The following SIDT1 variants were observed in gnomAD, a reference collection of about 807,000 sequenced individuals.
SIDT1 encodes the protein SID1 transmembrane family, member 1.
SIDT1 carries 101 observed loss-of-function variants against 107.5 expected under a neutral mutation model. The observed-to-expected ratio is 0.94, with a 90% CI of 0.80 to 1.11. The LOEUF (loss-of-function observed/expected upper bound fraction) is 1.11. SIDT1 is among the 50% of genes least tolerant of loss of function. The probability of loss-of-function intolerance (pLI) is 0.00; values close to 1 mark genes in which losing one functional copy is unlikely to be tolerated. For synonymous variants in SIDT1, 395 were observed against 398.2 expected (o/e 0.99, Z 0.10); for missense variants, 1,076 against 1,058.2 (o/e 1.02, Z -0.23).
At chr3:113,611,357 T>G (rs1945727141) in intron 18 of SIDT1, among the ~76,000 whole-genome samples, 2 of 152,178 alleles carry the variant, frequency 1.3e-5, no homozygotes, top group African/African-American at 4.8e-5. Context: ...TTTTGTTTGT[T>G]TGTGAGACTC....
chr3:113,597,439 A>G (rs1429198624), intron 10 of SIDT1, among the ~76,000 whole-genome samples: 2 of 147,300 alleles, frequency 1.4e-5, no homozygotes, highest in Admixed American at 7.0e-5. Context: ...AGAGGTTGCA[A>G]TGAGCCGAGA....
chr3:113,557,147 T>C (rs73854514), intron 1 of SIDT1, among the ~76,000 whole-genome samples: 1,573 of 152,262 alleles, frequency 0.01, 26 homozygotes, highest in African/African-American at 0.036. Context: ...GTTCAGCACA[T>C]TTATGAGGCC....
In SIDT1 at chr3:113,601,596, A is replaced by T. The variant is rs768031187; in HGVS notation, c.1054A>T (p.Asn352Tyr). 3 of 1,613,734 alleles carry T rather than the reference A, an allele frequency of 1.9e-6. No homozygotes were observed. The highest frequency in any genetic ancestry group is 2.5e-6 in the Non-Finnish European group (3 of 1,179,670). ...TTCACTTTTTTTAACAGGCTCTGGA[A>T]ATATGGTGGCATCTCATCCCATTGC... Reference protein sequence around the residue: ...GSFGSNDGSGNMVASHPIAAS... With the variant: ...GSFGSNDGSGYMVASHPIAAS... The change falls in exon 11 of 25, where the codon AAT becomes TAT. Residue 352 changes from asparagine to tyrosine, a missense_variant. Transcript: ENST00000264852.
intron 3 of SIDT1, among the ~76,000 whole-genome samples, chr3:113,571,266 A>C (rs1028201436): frequency 6.6e-6 from 1 of 152,092 alleles, no homozygotes; most frequent in Non-Finnish European, 1.5e-5. Context: ...AAAACCAAAA[A>C]AATTAGCCAG....
chr3:113,624,255 C>A (rs1299979053), intron 23 of SIDT1, among the ~76,000 whole-genome samples: 1 of 152,222 alleles, frequency 6.6e-6, no homozygotes, highest in African/African-American at 2.4e-5. Context: ...AGCATTCACT[C>A]CTCATTTCTC....
At chr3:113,634,188 C>T (rs1947109750), downstream of SIDT1, among the ~76,000 whole-genome samples, 1 of 152,154 alleles carries the variant, frequency 6.6e-6, no homozygotes, top group Non-Finnish European at 1.5e-5. Context: ...AGCTCCTCTG[C>T]CTAACTCTTC....
intron 9 of SIDT1, among the ~76,000 whole-genome samples, chr3:113,591,649 C>T (rs990099894): frequency 2.0e-5 from 3 of 152,164 alleles, no homozygotes; most frequent in South Asian, 2.1e-4. Context: ...GAGCCAAGAT[C>T]GCACCACTGC....
chr3:113,566,484 T>C lies in SIDT1; in HGVS notation c.287T>C (p.Val96Ala), dbSNP rs776522291. 22 of 1,614,064 alleles carry C rather than the reference T, an allele frequency of 1.4e-5. No individual in the cohort carries two copies. The highest frequency in any genetic ancestry group is 1.8e-5 in the Non-Finnish European group (21 of 1,180,026). ...SENLNYPVLVVVRQQKEVLSW... is the reference protein window; with the variant it reads ...SENLNYPVLVAVRQQKEVLSW... Reference sequence around the variant, plus strand: ...AATCTCAACTACCCGGTCCTTGTTGTGGTTCGCCAGCAGAAAGAGGTGCTG... The same window carrying C: ...AATCTCAACTACCCGGTCCTTGTTGCGGTTCGCCAGCAGAAAGAGGTGCTG... Residue 96 changes from valine to alanine, a missense_variant, in exon 2 of 25, where the codon GTG (valine) becomes GCG (alanine). Coordinates refer to ENST00000264852, the MANE Select transcript of SIDT1 (RefSeq NM_017699.3).
rs1946998260 is a variant in SIDT1, at chr3:113,628,563, A to G, written c.*855A>G. On this transcript the variant is annotated 3_prime_UTR_variant, in exon 25 of 25. Coordinates refer to ENST00000264852, the MANE Select transcript of SIDT1 (RefSeq NM_017699.3). Reference sequence around the variant, plus strand: ...ACAAGAGAAATGACTAACCATACTAAAAGACTGGTAACAGCAGCAGCAGCC... The same window carrying G: ...ACAAGAGAAATGACTAACCATACTAGAAGACTGGTAACAGCAGCAGCAGCC... 1.3e-5 allele frequency: 2 copies of G among 152,714 alleles called. No homozygotes were observed. Among genetic ancestry groups the G allele is most frequent in the Non-Finnish European group, 1.5e-5 (1 of 68,152 alleles). The allele number at this position is 152,714 out of a possible 1,614,324, so 9.5% of individuals were successfully genotyped here.
chr3:113,616,254 C>A, intron 20 of SIDT1, 78 bp downstream of exon 20: 2 of 1,126,214 alleles, frequency 1.8e-6, no homozygotes, highest in South Asian at 2.5e-5. Context: ...TTGGGGCAGT[C>A]ACTCACGGCT....
chr3:113,589,144 ATGAG>A (rs1943958671), intron 9 of SIDT1, among the ~76,000 whole-genome samples: 1 of 152,238 alleles, frequency 6.6e-6, no homozygotes, highest in African/African-American at 2.4e-5. Flanking sequence ...AAAATAAGTC[ATGAG>A]GGTAGTCTAG....
Position 113,608,476 on chromosome 3 carries a change from A to G in SIDT1, c.1660A>G (p.Met554Val). 2 of 1,614,100 alleles carry G rather than the reference A, an allele frequency of 1.2e-6. No individual in the cohort carries two copies. The highest frequency in any genetic ancestry group is 1.1e-5 in the South Asian group (1 of 91,080). The change falls in exon 17 of 25, where the codon ATG (methionine) becomes GTG (valine). Residue 554 changes from methionine to valine, a missense_variant. Met to Val is a conservative substitution (Grantham distance 21, BLOSUM62 1). Coordinates refer to ENST00000264852, the MANE Select transcript of SIDT1 (RefSeq NM_017699.3). ...CTACGCTATGGGCATTGCATTGATG[A>G]TGGAAGGGGTGCTCAGTGCTTGCTA... The part of the protein sequence containing the change: ...LFYAMGIALM[M>V]EGVLSACYHV...
At chr3:113,568,471 G>A (rs1392787718) in intron 3 of SIDT1, among the ~76,000 whole-genome samples, 2 of 151,862 alleles carry the variant, frequency 1.3e-5, no homozygotes, top group Non-Finnish European at 2.9e-5. Flanking sequence ...GCGGGCACCT[G>A]TAATCCCAGC....
intron 23 of SIDT1, 125 bp from the exon 24 acceptor site, chr3:113,625,977 T>C: frequency 2.8e-6 from 2 of 716,014 alleles, no homozygotes; most frequent in South Asian, 3.3e-5. Context: ...TGGATGGATG[T>C]TTTCTTGGAA....
chr3:113,621,205 C>T (rs1045549543), intron 21 of SIDT1, among the ~76,000 whole-genome samples: 15 of 151,980 alleles, frequency 9.9e-5, no homozygotes, highest in South Asian at 4.2e-4. Flanking sequence ...TGTAACAAAA[C>T]GCTAATAACT....
At chr3:113,626,031 T>G (rs896838976) in intron 23 of SIDT1, 71 bp from the exon 24 acceptor site, 7 of 1,070,930 alleles carry the variant, frequency 6.5e-6, no homozygotes, top group Admixed American at 3.5e-5. Flanking sequence ...TTTGTGGCTT[T>G]CTGGACGTTC....
At chr3:113,565,506 G>A (rs574286954) in intron 1 of SIDT1, among the ~76,000 whole-genome samples, 14 of 152,176 alleles carry the variant, frequency 9.2e-5, no homozygotes, top group African/African-American at 3.4e-4. Flanking sequence ...AGCCTAGGCA[G>A]CAGAGGGAGA....
chr3:113,550,950 CTCCCCTCTATGTG>C (rs1940165658), intron 1 of SIDT1, among the ~76,000 whole-genome samples: 3 of 152,062 alleles, frequency 2.0e-5, no homozygotes, highest in African/African-American at 7.2e-5. Flanking sequence ...ATGTGTGTTG[CTCCCCTCTATGTG>C]TCCATGTGTT....
chr3:113,582,871 A>G (rs1943467137), intron 6 of SIDT1, among the ~76,000 whole-genome samples: 1 of 152,190 alleles, frequency 6.6e-6, no homozygotes, highest in Non-Finnish European at 1.5e-5. Flanking sequence ...TCTGGGTTAT[A>G]GAACTCTAAC....
Sources: gnomAD v4.1 joint callset for allele counts (sites outside exome capture counted in the v4.1 genomes callset) on GRCh38, gnomAD v4.1.1 for gene constraint, MANE v1.5 for transcripts, NCBI Gene and HGNC (gene_info 2026-07-23, HGNC 2026-07-21) for gene names.